Variants in ARPC5 observed in about 807,000 individuals in gnomAD.
The protein encoded by ARPC5 is actin related protein 2/3 complex subunit 5, also known as actin-related protein 2/3 complex subunit 5.
A neutral mutation model predicts 15.4 loss-of-function variants in ARPC5; 5 were observed. The ratio of observed to expected loss-of-function variants is 0.32; its 90% confidence interval spans 0.17 to 0.68. The LOEUF (loss-of-function observed/expected upper bound fraction) is 0.68. Ranked by LOEUF, ARPC5 falls within the 30% of genes least tolerant of loss-of-function variation. The pLI, the probability that ARPC5 is intolerant of heterozygous loss-of-function variation, is 0.71. For synonymous variants in ARPC5, 85 were observed against 72.2 expected, an observed-to-expected ratio of 1.18 and a Z score of -0.90; for missense variants, 138 against 192.8, an observed-to-expected ratio of 0.72 and a Z score of 1.68.
rs777026263 is a variant in ARPC5 at position 183,635,542 on chromosome 1, C to T, written c.118G>A (p.Gly40Ser). 3.7e-6 allele frequency: 6 copies of T among 1,612,920 alleles called. No individual in the cohort carries two copies. The Admixed American group carries it at 6.7e-5, about 18-fold the overall frequency. ...TGCCGCAGGCAGGAGTCCACCTCGC[C>T]CTCGTCGGGCCCGGCCTGGCCGTCG... The part of the protein sequence containing the change: ...GGDGQAGPDE[G>S]EVDSCLRQGN... The change falls in exon 1 of 4, where the codon GGC becomes AGC. Residue 40 changes from glycine to serine, a missense_variant. By Grantham distance (56) the Gly-to-Ser change is moderately conservative (BLOSUM62 0). This residue lies in a region of ARPC5 where 121 missense variants were observed against 153.7 expected (regional missense o/e 0.79). Coordinates refer to ENST00000359856, the MANE Select transcript of ARPC5 (RefSeq NM_005717.4).
In ARPC5 at chr1:183,633,340, C is replaced by A. The variant is rs959653574; in HGVS notation, c.144-186G>T. On this transcript the variant is annotated intron_variant, in intron 1 of 3. Transcript: ENST00000359856. Reference sequence around the variant, plus strand: ...GCAAAATATCAAAAGCAAAATAGAACATTAGACTTTTTTTTAATAAAGCAA... The same window carrying A: ...GCAAAATATCAAAAGCAAAATAGAAAATTAGACTTTTTTTTAATAAAGCAA... The A allele has an allele frequency of 8.9e-6, 4 of 451,494 alleles. No individual in the cohort carries two copies. The South Asian group carries it at 1.5e-4, about 17-fold the overall frequency. The allele number at this position is 451,494 out of a possible 1,614,324, so 28.0% of individuals were successfully genotyped here. A position where few individuals can be genotyped will look rare whatever the true frequency, so the allele number is the denominator to read the frequency against.
chr1:183,635,765 C>T lies in ARPC5; in HGVS notation c.-106G>A, dbSNP rs954361531. 1.5e-5 allele frequency: 22 copies of T among 1,461,392 alleles called. No individual in the cohort carries two copies. The highest frequency in any genetic ancestry group is 1.7e-5 in the Non-Finnish European group (19 of 1,088,426). The allele number at this position is 1,461,392 out of a possible 1,614,324, so 90.5% of individuals were successfully genotyped here. ...GCGCCTGATTCACTTCCCTCTTCCG[C>T]TCTGAGGCGTCGCCGACTGCCGCGG... is the stretch of plus-strand genomic sequence containing the variant. On this transcript the variant is annotated 5_prime_UTR_variant, in exon 1 of 4. Coordinates refer to ENST00000359856, the MANE Select transcript of ARPC5 (RefSeq NM_005717.4).
chr1:183,627,657 A>G (rs1017504200), intron 3 of ARPC5, 63 bp from the exon 4 acceptor site: 6 of 1,376,490 alleles, frequency 4.4e-6, no homozygotes, highest in Non-Finnish European at 6.2e-6. Context: ...CATATTTGGT[A>G]AAACATTTTT....
intron 3 of ARPC5, among the ~76,000 whole-genome samples, chr1:183,629,930 T>C (rs1038866993): frequency 6.6e-6 from 1 of 152,236 alleles, no homozygotes; most frequent in Admixed American, 6.5e-5. Context: ...AAGGACTTTC[T>C]GTCCCTTTGT....
At position 183,626,970 on chromosome 1, in the gene ARPC5, C is replaced by G. The variant is rs1049623280; in HGVS notation, c.*562G>C. The G allele has an allele frequency of 1.3e-5, 2 of 153,300 alleles. No homozygotes were observed. Among genetic ancestry groups the G allele is most frequent in the Admixed American group, 6.5e-5 (1 of 15,412 alleles). The allele number at this position is 153,300 out of a possible 1,614,324, so 9.5% of individuals were successfully genotyped here. On this transcript the variant is annotated 3_prime_UTR_variant, in exon 4 of 4. Transcript: ENST00000359856. ...TACTTAAACCCACAGTACAGATAATCAGGAGGCAAGCAAAAACAAAGCTAT... is the reference window on the plus strand; with the variant it reads ...TACTTAAACCCACAGTACAGATAATGAGGAGGCAAGCAAAAACAAAGCTAT...
rs935792529 is a variant in ARPC5 at position 183,623,155 on chromosome 1, G to A, written c.*4377C>T. 3.6e-5 allele frequency: 16 copies of A among 445,632 alleles called. No homozygotes were observed. The highest frequency in any genetic ancestry group is 9.8e-5 in the South Asian group (4 of 40,612). The allele number at this position is 445,632 out of a possible 1,614,324, so 27.6% of individuals were successfully genotyped here. On this transcript the variant is annotated 3_prime_UTR_variant, in exon 4 of 4. Transcript: ENST00000359856. The stretch of plus-strand genomic sequence containing the variant: ...AGCTAACTGCTAGGCTGGAAAATAC[G>A]GGAGTTTTAGAATGCTTTGGAATTC...
intron 2 of ARPC5, chr1:183,632,850 CA>C: frequency 2.8e-6 from 1 of 358,320 alleles, no homozygotes; most frequent in Non-Finnish European, 5.0e-6. Flanking sequence ...AAAACACACA[CA>C]AATGATTTCA....
At chr1:183,635,392 G>C in intron 1 of ARPC5, 125 bp downstream of exon 1, 1 of 1,184,920 alleles carries the variant, frequency 8.4e-7, no homozygotes, top group Non-Finnish European at 1.1e-6. Flanking sequence ...AAAGAGACAG[G>C]TTAAGCCGCA....
At position 183,623,407 on chromosome 1, in the gene ARPC5, A is replaced by G; in HGVS notation, c.*4125T>C. The G allele has an allele frequency of 6.4e-7, 1 of 1,550,500 alleles. No individual in the cohort carries two copies. Among genetic ancestry groups the G allele is most frequent in the Non-Finnish European group, 8.7e-7 (1 of 1,146,914 alleles). On this transcript the variant is annotated 3_prime_UTR_variant, in exon 4 of 4. Transcript: ENST00000359856. ...GTGAAGTAGCACCACCTTGAGGCAG[A>G]TGACATGCTGTACCTCTGTGGGCTT...
intron 3 of ARPC5, 129 bp from the exon 4 acceptor site, chr1:183,627,723 T>C: frequency 2.7e-6 from 2 of 748,838 alleles, no homozygotes; most frequent in South Asian, 3.1e-5. Context: ...TAACAAATAA[T>C]AAATTCTTGA....
At chr1:183,635,376 G>A in intron 1 of ARPC5, 141 bp downstream of exon 1, 2 of 1,019,518 alleles carry the variant, frequency 2.0e-6, no homozygotes, top group Non-Finnish European at 2.7e-6. Flanking sequence ...CAGAGCGGGC[G>A]ATCCCAAAGA....
chr1:183,630,201 T>C (rs533114457), intron 3 of ARPC5: 3 of 303,720 alleles, frequency 9.9e-6, no homozygotes, highest in Non-Finnish European at 1.8e-5. Context: ...TATTTTCTTT[T>C]ACAAAGTTTT....
chr1:183,634,918 T>C (rs1470392417), intron 1 of ARPC5, among the ~76,000 whole-genome samples: 154 of 147,970 alleles, frequency 1.0e-3, no homozygotes, highest in African/African-American at 2.0e-3. Context: ...CTTCTTCTTT[T>C]TTTTTTTTTT....
chr1:183,625,393 C>T lies in ARPC5; in HGVS notation c.*2139G>A, dbSNP rs1014022929. 1.3e-5 allele frequency: 2 copies of T among 152,242 alleles called. No individual in the cohort carries two copies. Among genetic ancestry groups the T allele is most frequent in the African/African-American group, 2.4e-5 (1 of 41,460 alleles). The allele number at this position is 152,242 out of a possible 1,614,324, so 9.4% of individuals were successfully genotyped here. ...CTGATAGACTGGCAGATTCTAAATA[C>T]ACCCACCCATTCTTGTGAACAAATA... On this transcript the variant is annotated 3_prime_UTR_variant, in exon 4 of 4. Coordinates refer to ENST00000359856, the MANE Select transcript of ARPC5 (RefSeq NM_005717.4).
chr1:183,623,475 C>A lies in ARPC5; in HGVS notation c.*4057G>T. 2 of 1,550,274 alleles carry A rather than the reference C, an allele frequency of 1.3e-6. No homozygotes were observed. The highest frequency in any genetic ancestry group is 1.2e-5 in the South Asian group (1 of 84,054). ...TCTGGAATCATACAAGAGGCACCTG[C>A]ACAGAACGTTTTCACATTGGGGTTT... On this transcript the variant is annotated 3_prime_UTR_variant, in exon 4 of 4. Coordinates refer to ENST00000359856, the MANE Select transcript of ARPC5 (RefSeq NM_005717.4).
chr1:183,633,330 C>A, intron 1 of ARPC5, 176 bp from the exon 2 acceptor site: 1 of 473,210 alleles, frequency 2.1e-6, no homozygotes, highest in Non-Finnish European at 3.8e-6. Context: ...ATATCAAAAG[C>A]AAAATAGAAC....
intron 1 of ARPC5, among the ~76,000 whole-genome samples, chr1:183,635,301 C>G (rs1649437713): frequency 6.6e-6 from 1 of 152,170 alleles, no homozygotes; most frequent in Non-Finnish European, 1.5e-5. Context: ...GGCAGGCTTC[C>G]AAGAGTGGGA....
chr1:183,628,800 A>T (rs1039927795), intron 3 of ARPC5, among the ~76,000 whole-genome samples: 3 of 152,228 alleles, frequency 2.0e-5, no homozygotes, highest in Non-Finnish European at 4.4e-5. Flanking sequence ...ATTCAGGAAA[A>T]AGGCTGGCAT....
In ARPC5 at chr1:183,623,688, G is replaced by A; in HGVS notation, c.*3844C>T. On this transcript the variant is annotated 3_prime_UTR_variant, in exon 4 of 4. Coordinates refer to ENST00000359856, the MANE Select transcript of ARPC5 (RefSeq NM_005717.4). ...TTTTAACATATTTTGTCTGTAAGGG[G>A]ATGTTAGTTGTAAATCTAAAGGAAA... 1 of 605,628 alleles carries A rather than the reference G, an allele frequency of 1.7e-6. No individual in the cohort carries two copies. The highest frequency in any genetic ancestry group is 2.9e-6 in the Non-Finnish European group (1 of 350,416). The allele number at this position is 605,628 out of a possible 1,614,324, so 37.5% of individuals were successfully genotyped here.
Sources: gnomAD v4.1 joint callset for allele counts (sites outside exome capture counted in the v4.1 genomes callset) on GRCh38, gnomAD v4.1.1 for gene constraint, gnomAD v4.1.1 regional missense constraint, MANE v1.5 for transcripts, NCBI Gene and HGNC (gene_info 2026-07-23, HGNC 2026-07-21) for gene names.